SPTBN2: variants seen among roughly 807,000 people sequenced by gnomAD.
SPTBN2 encodes spectrin beta chain, non-erythrocytic 2.
A neutral mutation model predicts 284.2 loss-of-function variants in SPTBN2; 107 were observed. The observed-to-expected ratio is 0.38, with a 90% CI of 0.32 to 0.44. SPTBN2 has a LOEUF of 0.44. Ranked by LOEUF, SPTBN2 falls within the 20% of genes least tolerant of loss-of-function variation. The pLI is 1.00. For synonymous variants in SPTBN2, 1,289 were observed against 1,354.8 expected, an observed-to-expected ratio of 0.95 and a Z score of 1.07; for missense variants, 2,569 against 3,287.1, an observed-to-expected ratio of 0.78 and a Z score of 5.34.
chr11:66,711,069 T>C (rs1941835351), intron 8 of SPTBN2, 40 bp from the exon 9 acceptor site: 1 of 1,561,664 alleles, frequency 6.4e-7, no homozygotes, highest in South Asian at 1.1e-5. Context: ...TCCCAGAAGT[T>C]CATCCATAAC....
chr11:66,742,056 A>C (rs972222454), intron 1 of SPTBN2, among the ~76,000 whole-genome samples: 8 of 152,174 alleles, frequency 5.3e-5, no homozygotes, highest in African/African-American at 1.7e-4. Flanking sequence ...TCCTGGCCTG[A>C]AACAATCCTC....
At position 66,684,782 on chromosome 11, in the gene SPTBN2, G is replaced by T. The variant is rs1940003651; in HGVS notation, c.*1089C>A. On this transcript the variant is annotated 3_prime_UTR_variant, in exon 38 of 38. Coordinates refer to ENST00000533211, the MANE Select transcript of SPTBN2 (RefSeq NM_006946.4). ...GCCACTTCTCAGATCCCTGTCTGAG[G>T]TCCCTTGATCTACTGGAGAGCAGAC... 6.6e-6 allele frequency among the ~76,000 whole-genome samples: 1 copy of T among 152,122 alleles called. No individual in the cohort carries two copies. Among genetic ancestry groups the T allele is most frequent in the Non-Finnish European group, 1.5e-5 (1 of 68,036 alleles).
At chr11:66,725,797 T>A (rs113638275) in intron 1 of SPTBN2, among the ~76,000 whole-genome samples, 13 of 152,214 alleles carry the variant, frequency 8.5e-5, no homozygotes, top group Non-Finnish European at 1.6e-4. Context: ...AGGCTCACCG[T>A]GCCGATCCTC....
rs1939933257 is a variant in SPTBN2, at chr11:66,683,724, A to C, written c.*2147T>G. On this transcript the variant is annotated 3_prime_UTR_variant, in exon 38 of 38. Coordinates refer to ENST00000533211, the MANE Select transcript of SPTBN2 (RefSeq NM_006946.4). ...TACACTTACGTGTCGTGTTAAAATA[A>C]TCATTTCTCTATTAATTTCTCCATA... Among the ~76,000 whole-genome samples, 1 of 152,224 alleles carries C rather than the reference A, an allele frequency of 6.6e-6. No individual in the cohort carries two copies. Among genetic ancestry groups the C allele is most frequent in the African/African-American group, 2.4e-5 (1 of 41,454 alleles).
At chr11:66,738,703 A>G (rs908680880) in intron 1 of SPTBN2, among the ~76,000 whole-genome samples, 2 of 151,586 alleles carry the variant, frequency 1.3e-5, no homozygotes, top group African/African-American at 2.4e-5. Context: ...TTTAGTAGAG[A>G]TGTGGTTTCA....
In SPTBN2 at chr11:66,691,370, C is replaced by T. The variant is rs776341129; in HGVS notation, c.5479G>A (p.Gly1827Arg). 5.7e-6 allele frequency: 9 copies of T among 1,592,038 alleles called. No individual in the cohort carries two copies. The highest frequency in any genetic ancestry group is 4.5e-5 in the East Asian group (2 of 44,452). The change falls in exon 27 of 38, where the codon GGG becomes AGG. Residue 1827 changes from glycine (G) to arginine (R), a missense_variant. This residue lies in a region of SPTBN2 where 1,130 missense variants were observed against 1,317.3 expected (regional missense o/e 0.86). Transcript: ENST00000533211. The surrounding 1 kb of genome is among the most constrained non-coding windows in gnomAD (Gnocchi z 8.0). ...GCAGCGTTGAGGTCGCGGCCAGTCC[C>T]GTCCGGAAGCTGCTGCTGCTTGTGC... ...VQHKQQQLPD[G>R]TGRDLNAAEA... is the part of the protein sequence containing the mutation.
chr11:66,709,961 A>C (rs1366133081), intron 10 of SPTBN2, among the ~76,000 whole-genome samples: 1 of 152,176 alleles, frequency 6.6e-6, no homozygotes, highest in Non-Finnish European at 1.5e-5. Context: ...CTATGCTAGG[A>C]TTGGGTTGCC....
In SPTBN2 at chr11:66,682,795, CTT is replaced by C. The variant is rs1349263913; in HGVS notation, c.*3074_*3075del. On this transcript the variant is annotated 3_prime_UTR_variant, in exon 38 of 38. Coordinates refer to ENST00000533211, the MANE Select transcript of SPTBN2 (RefSeq NM_006946.4). ...TTTTTTTTTTTGAGACAGGGTCTCA[CTT>C]TATTGCCTAGACTGGAGTGCAGTGG... Among the ~76,000 whole-genome samples, 1 of 151,738 alleles carries C rather than the reference CTT, an allele frequency of 6.6e-6. No individual in the cohort carries two copies. The highest frequency in any genetic ancestry group is 1.5e-5 in the Non-Finnish European group (1 of 67,940).
rs1045569404 is a variant in SPTBN2 at position 66,710,281 on chromosome 11, T to C, written c.1073+301A>G. ...GCTGGTCTCAAACTCCCGACCTCAGTAGAGATGGGGTTTCACCATGTTGGC... is the reference window on the plus strand; with the variant it reads ...GCTGGTCTCAAACTCCCGACCTCAGCAGAGATGGGGTTTCACCATGTTGGC... On this transcript the variant is annotated intron_variant, in intron 10 of 37. Transcript: ENST00000533211. The surrounding 1 kb of genome is among the most constrained non-coding windows in gnomAD (Gnocchi z 4.9). 9.2e-5 allele frequency among the ~76,000 whole-genome samples: 14 copies of C among 151,906 alleles called. No homozygotes were observed. The highest frequency in any genetic ancestry group is 2.7e-4 in the African/African-American group (11 of 41,362).
intron 18 of SPTBN2, 58 bp from the exon 19 acceptor site, chr11:66,699,140 T>C: frequency 6.2e-7 from 1 of 1,601,252 alleles, no homozygotes; most frequent in Non-Finnish European, 8.6e-7. Flanking sequence ...TTGTGACCCT[T>C]TGGCTAACCT....
Position 66,698,791 on chromosome 11 carries a change from C to T in SPTBN2, c.3868-6G>A, listed in dbSNP as rs1215794859. On this transcript the variant is annotated splice_region_variant and splice_polypyrimidine_tract_variant and intron_variant, in intron 19 of 37. Coordinates refer to ENST00000533211, the MANE Select transcript of SPTBN2 (RefSeq NM_006946.4). ...TCGTCGATCCAGAGCTTCAGCTGGA[C>T]CAAACATAAAACAGGGACATTTCCA... 2 of 1,613,258 alleles carry T rather than the reference C, an allele frequency of 1.2e-6. No homozygotes were observed. Among genetic ancestry groups the T allele is most frequent in the African/African-American group, 1.3e-5 (1 of 75,050 alleles).
intron 8 of SPTBN2, 61 bp from the exon 9 acceptor site, chr11:66,711,090 T>C (rs1941836818): frequency 7.1e-7 from 1 of 1,407,700 alleles, no homozygotes; most frequent in Admixed American, 1.7e-5. Context: ...TTGCATCACT[T>C]ACCCCAAACC....
In SPTBN2 at chr11:66,687,002, G is replaced by A; in HGVS notation, c.6888C>T (p.Phe2296=). 6.2e-7 allele frequency: 1 copy of A among 1,613,948 alleles called. No individual in the cohort carries two copies. Among genetic ancestry groups the A allele is most frequent in the Non-Finnish European group, 8.5e-7 (1 of 1,180,028 alleles). The change falls in exon 36 of 38, where the codon TTC becomes TTT. Residue 2296 remains phenylalanine (F), a synonymous_variant. Coordinates refer to ENST00000533211, the MANE Select transcript of SPTBN2 (RefSeq NM_006946.4). The surrounding 1 kb of genome is among the most constrained non-coding windows in gnomAD (Gnocchi z 5.2). The part of the protein sequence containing the change: ...AFDYRKRKHV[F]KLGLQDGKEY... ...CTGTTCCCTGTTCCTACCCCAGCTT[G>A]AAGACATGTTTGCGCTTTCGGTAAT...
intron 3 of SPTBN2, 97 bp from the exon 4 acceptor site, chr11:66,716,078 G>A (rs554469525): frequency 1.3e-6 from 2 of 1,545,142 alleles, no homozygotes; most frequent in East Asian, 4.5e-5. Context: ...AAGCCTGAGA[G>A]ATGGGAAGCG....
At position 66,707,465 on chromosome 11, in the gene SPTBN2, C is replaced by T. The variant is rs754924906; in HGVS notation, c.1653+51G>A. The T allele has an allele frequency of 2.6e-6, 4 of 1,547,856 alleles. No individual in the cohort carries two copies. The highest frequency in any genetic ancestry group is 2.7e-5 in the African/African-American group (2 of 73,284). On this transcript the variant is annotated intron_variant, in intron 13 of 37. Coordinates refer to ENST00000533211, the MANE Select transcript of SPTBN2 (RefSeq NM_006946.4). The surrounding 1 kb of genome is among the most constrained non-coding windows in gnomAD (Gnocchi z 4.9). ...ACGGGCGGACGCACCCACTGTGGGG[C>T]CCCCTCGACTCTTGATCACTCTTAC...
At position 66,696,501 on chromosome 11, in the gene SPTBN2, C is replaced by G. The variant is rs750561783; in HGVS notation, c.4054G>C (p.Ala1352Pro). 6.2e-7 allele frequency: 1 copy of G among 1,612,186 alleles called. No individual in the cohort carries two copies. Among genetic ancestry groups the G allele is most frequent in the Non-Finnish European group, 8.5e-7 (1 of 1,180,038 alleles). The change falls in exon 21 of 38, where the codon GCC (alanine) becomes CCC (proline). Residue 1352 changes from alanine (A) to proline (P), a missense_variant. Ala to Pro is a conservative substitution (Grantham distance 27). Transcript: ENST00000533211. ...TCTCTCAGCTTCTCCGACACCAGGG[C>G]TTTCAGCTCTGGCTTCTCAAGGGTG... The part of the protein sequence containing the change: ...ELTLEKPELK[A>P]LVSEKLRDLH...
In SPTBN2 at chr11:66,705,344, C is replaced by G. The variant is rs1377936628; in HGVS notation, c.1932G>C (p.Trp644Cys). 1.9e-6 allele frequency: 3 copies of G among 1,611,052 alleles called. No homozygotes were observed. Among genetic ancestry groups the G allele is most frequent in the African/African-American group, 1.3e-5 (1 of 74,926 alleles). ...RARLEESRRL[W>C]RFLWEVGEAE... ...CTTCACCCACCTCCCAGAGGAAACGCCAGAGCCGCCGTGATTCCTCCAGCC... is the reference window on the plus strand; with the variant it reads ...CTTCACCCACCTCCCAGAGGAAACGGCAGAGCCGCCGTGATTCCTCCAGCC... The change falls in exon 15 of 38, where the codon TGG (tryptophan) becomes TGC (cysteine). Residue 644 changes from tryptophan (W) to cysteine (C), a missense_variant. Trp to Cys is a radical substitution (Grantham distance 215, BLOSUM62 -2). Transcript: ENST00000533211.
chr11:66,734,317 TC>T (rs1942837966), intron 1 of SPTBN2, among the ~76,000 whole-genome samples: 1 of 152,146 alleles, frequency 6.6e-6, no homozygotes, highest in African/African-American at 2.4e-5. Context: ...ATCAGACAGA[TC>T]ATTCCTCTTC....
In SPTBN2 at chr11:66,708,040, T is replaced by G; in HGVS notation, c.1350+101A>C. The G allele has an allele frequency of 1.9e-6, 3 of 1,570,422 alleles. No homozygotes were observed. Among genetic ancestry groups the G allele is most frequent in the Non-Finnish European group, 2.6e-6 (3 of 1,144,346 alleles). On this transcript the variant is annotated intron_variant, in intron 12 of 37. Coordinates refer to ENST00000533211, the MANE Select transcript of SPTBN2 (RefSeq NM_006946.4). This position sits in a 1 kb window ranked among gnomAD's most constrained non-coding sequence, Gnocchi z 4.4. ...TAGGCCTTTTTACCCAGGTGACGGA[T>G]TTTGTGTTTCATTGTCTCTCCACCC...
Sources: allele counts gnomAD v4.1 joint callset (sites outside exome capture counted in the v4.1 genomes callset), GRCh38; gene constraint gnomAD v4.1.1; regional missense constraint gnomAD v4.1.1; non-coding constraint Gnocchi (gnomAD v3.1); transcripts MANE v1.5; gene names NCBI Gene and HGNC (gene_info 2026-07-23, HGNC 2026-07-21).